HEATR4: variants seen among roughly 807,000 people sequenced by gnomAD.
The protein encoded by HEATR4 is HEAT repeat containing 4.
In HEATR4, 95 loss-of-function variants were observed where a neutral mutation model predicts 108.8. The observed-to-expected ratio is 0.87, with a 90% CI of 0.74 to 1.04. The LOEUF (loss-of-function observed/expected upper bound fraction) is 1.04, where lower values mean the gene tolerates loss of function less well. HEATR4 is among the 50% of genes least tolerant of loss of function. The pLI, the probability that HEATR4 is intolerant of heterozygous loss-of-function variation, is 0.00. For missense variants in HEATR4, 1,152 were observed against 1,253.8 expected, an observed-to-expected ratio of 0.92 and a Z score of 1.23; for synonymous variants, 443 against 459.4, an observed-to-expected ratio of 0.96 and a Z score of 0.46.
At chr14:73,630,139 G>A in the HEATR4 span, among the ~76,000 whole-genome samples, 2 of 152,218 alleles carry the variant, frequency 1.3e-5, no homozygotes, top group South Asian at 4.2e-4. Context: ...GGGAGCAGGG[G>A]AAAGCAAAAA....
chr14:73,559,662 G>A (rs1889480951), upstream of HEATR4, among the ~76,000 whole-genome samples: 2 of 152,020 alleles, frequency 1.3e-5, no homozygotes, highest in South Asian at 2.1e-4. Flanking sequence ...GAATCGCTTG[G>A]ACCCAGGAAG....
chr14:73,478,514 A>T lies in HEATR4; in HGVS notation c.*92T>A. 1 of 799,044 alleles carries T rather than the reference A, an allele frequency of 1.3e-6. No homozygotes were observed. The highest frequency in any genetic ancestry group is 2.1e-6 in the Non-Finnish European group (1 of 477,122). The allele number at this position is 799,044 out of a possible 1,614,324, so 49.5% of individuals were successfully genotyped here. A position where few individuals can be genotyped will look rare whatever the true frequency, so the allele number is the denominator to read the frequency against. ...TTAAATAATTTCTCTTTATAAACAT[A>T]GTGACAACAAGATTGTACAGTATCA... is the stretch of plus-strand genomic sequence containing the variant. On this transcript the variant is annotated 3_prime_UTR_variant, in exon 18 of 18. Transcript: ENST00000553558.
At chr14:73,504,298 AG>A (rs2140267641) in intron 10 of HEATR4, among the ~76,000 whole-genome samples, 1 of 150,386 alleles carries the variant, frequency 6.6e-6, no homozygotes, top group Admixed American at 6.6e-5. Flanking sequence ...GCTGGGGCGC[AG>A]TGGTGCGATC....
intron 16 of HEATR4, among the ~76,000 whole-genome samples, chr14:73,493,708 C>A (rs970901665): frequency 6.6e-6 from 1 of 152,090 alleles, no homozygotes; most frequent in Admixed American, 6.6e-5. Flanking sequence ...CATAGTGGTG[C>A]GTGCCTGTAA....
At chr14:73,592,200 C>G in the HEATR4 span, 1 of 1,612,186 alleles carries the variant, frequency 6.2e-7, no homozygotes, top group Admixed American at 1.7e-5. Context: ...CATGGGGCTG[C>G]TCTGGGCCCT....
rs1159619260 is a variant in HEATR4, at chr14:73,522,636, C to G, written c.517G>C (p.Asp173His). 2.5e-6 allele frequency: 4 copies of G among 1,614,230 alleles called. No homozygotes were observed. Among genetic ancestry groups the G allele is most frequent in the Non-Finnish European group, 3.4e-6 (4 of 1,180,032 alleles). Residue 173 changes from aspartate (D) to histidine (H), a missense_variant, in exon 3 of 18, where the codon GAT (aspartate) becomes CAT (histidine). Coordinates refer to ENST00000553558, the MANE Select transcript of HEATR4 (RefSeq NM_001220484.1). Reference protein sequence around the residue: ...PLIHHPCMHPDMLGRPPSLDV... With the variant: ...PLIHHPCMHPHMLGRPPSLDV... ...AGAGAAGGTGGCCGACCCAGCATAT[C>G]TGGATGCATGCAGGGATGATGGATG...
At chr14:73,510,492 A>ATGGCACAATCT (rs1179577972) in intron 7 of HEATR4, among the ~76,000 whole-genome samples, 2 of 151,808 alleles carry the variant, frequency 1.3e-5, no homozygotes, top group African/African-American at 4.8e-5. Flanking sequence ...CTGGAGTACA[A>ATGGCACAATCT]TGGCACAATC....
At chr14:73,602,656 G>A in the HEATR4 span, among the ~76,000 whole-genome samples, 1 of 152,148 alleles carries the variant, frequency 6.6e-6, no homozygotes, top group Non-Finnish European at 1.5e-5. Flanking sequence ...AGGGATCCTG[G>A]CAGGCTACAA....
chr14:73,612,738 C>T, the HEATR4 span: 186 of 1,367,994 alleles, frequency 1.4e-4, no homozygotes, highest in Non-Finnish European at 1.7e-4. Flanking sequence ...CGTGCCGACG[C>T]CCGCGACGAG....
At chr14:73,521,218 G>A (rs2062995457) in intron 3 of HEATR4, among the ~76,000 whole-genome samples, 179 bp from the exon 4 acceptor site, 1 of 152,092 alleles carries the variant, frequency 6.6e-6, no homozygotes, top group Non-Finnish European at 1.5e-5. Context: ...TGAATGTGGA[G>A]CTGCCAGAAG....
rs965301036 is a variant in HEATR4 at position 73,523,234 on chromosome 14, G to T, written c.-72-10C>A. 2 of 1,356,544 alleles carry T rather than the reference G, an allele frequency of 1.5e-6. No individual in the cohort carries two copies. Among genetic ancestry groups the T allele is most frequent in the Non-Finnish European group, 2.0e-6 (2 of 1,014,652 alleles). The allele number at this position is 1,356,544 out of a possible 1,614,324, so 84.0% of individuals were successfully genotyped here. A position where few individuals can be genotyped will look rare whatever the true frequency, so the allele number is the denominator to read the frequency against. Reference sequence around the variant, plus strand: ...AGATGAGACCTGGCACCTGTTAAGGGAATGGGAGGAACTGATGAGAACTCT... The same window carrying T: ...AGATGAGACCTGGCACCTGTTAAGGTAATGGGAGGAACTGATGAGAACTCT... On this transcript the variant is annotated splice_polypyrimidine_tract_variant and intron_variant, in intron 2 of 17. Coordinates refer to ENST00000553558, the MANE Select transcript of HEATR4 (RefSeq NM_001220484.1).
intron 1 of HEATR4, among the ~76,000 whole-genome samples, chr14:73,545,421 C>T (rs1240966446): frequency 1.3e-5 from 1 of 77,836 alleles, no homozygotes; most frequent in African/African-American, 4.0e-5. Flanking sequence ...ACCAGATCTA[C>T]AGTAGAGAGA....
Position 73,500,706 on chromosome 14 carries a change from G to A in HEATR4, c.2130C>T (p.Ser710=). Reference sequence around the variant, plus strand: ...GGTAGAGAGCTTCCACACGCTCCTGGGAATTTCCTTGACCTAGCTTGACCC... The same window carrying A: ...GGTAGAGAGCTTCCACACGCTCCTGAGAATTTCCTTGACCTAGCTTGACCC... ...IIRVKLGQGN[S]QERVEALYLI... Residue 710 remains serine, a synonymous_variant, in exon 12 of 18, where the codon TCC becomes TCT. Coordinates refer to ENST00000553558, the MANE Select transcript of HEATR4 (RefSeq NM_001220484.1). The A allele has an allele frequency of 6.2e-7, 1 of 1,613,966 alleles. No individual in the cohort carries two copies.
chr14:73,500,693 CCA>C lies in HEATR4; in HGVS notation c.2141_2142del (p.Val714GlyfsTer8). On this transcript the variant is annotated frameshift_variant, in exon 12 of 18. Transcript: ENST00000553558. LOFTEE classifies it high-confidence loss of function. The part of the protein sequence containing the change: ...KLGQGNSQER[V>X]EALYLIGELK... ...AGCTCACCTATCAGGTAGAGAGCTT[CCA>C]CACGCTCCTGGGAATTTCCTTGACC... The C allele has an allele frequency of 1.9e-6, 3 of 1,614,044 alleles. No homozygotes were observed. Among genetic ancestry groups the C allele is most frequent in the Non-Finnish European group, 2.5e-6 (3 of 1,179,968 alleles).
chr14:73,592,632 CACTTGAGATCAGGA>C, the HEATR4 span, among the ~76,000 whole-genome samples: 1 of 152,208 alleles, frequency 6.6e-6, no homozygotes, highest in Non-Finnish European at 1.5e-5. Context: ...ATGGGCGGAT[CACTTGAGATCAGGA>C]GTTTGAGACC....
chr14:73,505,957 C>A (rs1444119320), intron 10 of HEATR4, among the ~76,000 whole-genome samples: 4 of 137,662 alleles, frequency 2.9e-5, no homozygotes, highest in Admixed American at 2.5e-4. Context: ...GTGGTGAGAT[C>A]TTGGTTCACT....
intron 1 of HEATR4, chr14:73,537,652 C>G: frequency 8.1e-7 from 1 of 1,235,500 alleles, no homozygotes; most frequent in Non-Finnish European, 1.1e-6. Flanking sequence ...GGCTTGAGCC[C>G]ATGGGGCTGC....
chr14:73,615,425 C>CAAA, the HEATR4 span, among the ~76,000 whole-genome samples: 2 of 122,494 alleles, frequency 1.6e-5, no homozygotes, highest in African/African-American at 6.7e-5. Flanking sequence ...CAAAAAAAAC[C>CAAA]AGCAACAACG....
the HEATR4 span, among the ~76,000 whole-genome samples, chr14:73,600,076 T>C: frequency 6.6e-6 from 1 of 152,158 alleles, no homozygotes; most frequent in Non-Finnish European, 1.5e-5. Context: ...ACAAGTTAGC[T>C]ATCCTCACAG....
Sources: gnomAD v4.1 joint callset for allele counts (sites outside exome capture counted in the v4.1 genomes callset) on GRCh38, gnomAD v4.1.1 for gene constraint, MANE v1.5 for transcripts, NCBI Gene and HGNC (gene_info 2026-07-23, HGNC 2026-07-21) for gene names.